The following DIS3 variants were observed in gnomAD, a reference collection of about 807,000 sequenced individuals.
DIS3 encodes DIS3 exosome endoribonuclease and 3'-5' exoribonuclease, also known as exosome complex exonuclease RRP44.
In DIS3, 103 loss-of-function variants were observed where a neutral mutation model predicts 113.0. The ratio of observed to expected loss-of-function variants is 0.91; its 90% CI spans 0.78 to 1.07. DIS3 has a LOEUF of 1.07. DIS3 is among the 50% of genes least tolerant of loss of function. DIS3 has a pLI of 0.00. For synonymous variants in DIS3, 402 were observed against 394.3 expected (o/e 1.02, Z -0.23); for missense variants, 1,121 against 1,167.1 (o/e 0.96, Z 0.58).
At chr13:72,781,093 C>G (rs2034190745) in intron 1 of DIS3, 90 bp from the exon 2 acceptor site, 3 of 1,411,986 alleles carry the variant, frequency 2.1e-6, no homozygotes, top group Non-Finnish European at 2.9e-6. Flanking sequence ...GGCATAAATA[C>G]TTTATGTTTT....
chr13:72,761,493 C>T lies in DIS3; in HGVS notation c.2540G>A (p.Ser847Asn), dbSNP rs757378040. ...TACAAATAAAATATAGGCTTCTTCACTTACTATTCCTTTGCTTTTGAAGAA... is the reference window on the plus strand; with the variant it reads ...TACAAATAAAATATAGGCTTCTTCATTTACTATTCCTTTGCTTTTGAAGAA... ...QLFFKSKGIV[S>N]EEAYILFVRK... The change falls in exon 19 of 21, where the codon AGT (serine) becomes AAT (asparagine). Residue 847 changes from serine to asparagine, a missense_variant. Ser to Asn is a conservative substitution (Grantham distance 46). Around this residue, in one of 3 missense-constraint regions of DIS3, gnomAD observed 861 missense variants for 915.5 expected, o/e 0.94. Transcript: ENST00000377767. 1.9e-5 allele frequency: 30 copies of T among 1,591,096 alleles called. 1 individual carries two copies. In the Middle Eastern group the frequency reaches 8.4e-4, roughly 44 times the overall value.
chr13:72,761,888 T>G lies in DIS3; in HGVS notation c.2342+35A>C. 3 of 1,612,310 alleles carry G rather than the reference T, an allele frequency of 1.9e-6. No homozygotes were observed. In the South Asian group the frequency reaches 3.3e-5, roughly 18 times the overall value. On this transcript the variant is annotated intron_variant, in intron 17 of 20. Transcript: ENST00000377767. Reference sequence around the variant, plus strand: ...GCTTTTAAAATTCAAAATTAACCATTTTCTATCTCCTTTAATTTCATAAGG... The same window carrying G: ...GCTTTTAAAATTCAAAATTAACCATGTTCTATCTCCTTTAATTTCATAAGG...
chr13:72,764,978 A>G (rs1018108692), intron 15 of DIS3, among the ~76,000 whole-genome samples: 2 of 152,176 alleles, frequency 1.3e-5, no homozygotes, highest in South Asian at 4.1e-4. Context: ...TTATAATAGC[A>G]CGCAAGCACA....
chr13:72,761,386 G>A lies in DIS3; in HGVS notation c.2647C>T (p.Pro883Ser). 2 of 1,605,414 alleles carry A rather than the reference G, an allele frequency of 1.2e-6. No individual in the cohort carries two copies. Among genetic ancestry groups the A allele is most frequent in the South Asian group, 1.1e-5 (1 of 88,852 alleles). The part of the protein sequence containing the change: ...VFFEEKDKPN[P>S]QLIYDDEIPS... ...ACCTCATCATCATAAATAAGCTGTG[G>A]GTTTGGTTTGTCCTTTTCTTCAAAA... Residue 883 changes from proline (P) to serine (S), a missense_variant, in exon 19 of 21, where the codon CCA (proline) becomes TCA (serine). By Grantham distance (74) the Pro-to-Ser change is moderately conservative (BLOSUM62 -1). Around this residue, in one of 3 missense-constraint regions of DIS3, gnomAD observed 861 missense variants for 915.5 expected, o/e 0.94. Coordinates refer to ENST00000377767, the MANE Select transcript of DIS3 (RefSeq NM_014953.5).
intron 15 of DIS3, among the ~76,000 whole-genome samples, chr13:72,764,532 T>C (rs1186887904): frequency 1.3e-5 from 2 of 152,160 alleles, no homozygotes; most frequent in African/African-American, 2.4e-5. Context: ...ACTAGCAGTA[T>C]GAGAATTTGA....
At chr13:72,761,565 T>C (rs1224065995) in intron 18 of DIS3, 44 bp from the exon 19 acceptor site, 1 of 1,525,904 alleles carries the variant, frequency 6.6e-7, no homozygotes, top group African/African-American at 1.4e-5. Context: ...TTAAAAATTT[T>C]TAAATAAACA....
chr13:72,776,091 T>C lies in DIS3; in HGVS notation c.656A>G (p.Asn219Ser). The C allele has an allele frequency of 6.3e-7, 1 of 1,591,518 alleles. No homozygotes were observed. The highest frequency in any genetic ancestry group is 2.2e-5 in the East Asian group (1 of 44,584). The change falls in exon 5 of 21, where the codon AAT becomes AGT. Residue 219 changes from asparagine (N) to serine (S), a missense_variant and splice_region_variant. Physicochemically the swap from Asn to Ser is conservative, Grantham distance 46. Around this residue, in one of 3 missense-constraint regions of DIS3, gnomAD observed 861 missense variants for 915.5 expected, o/e 0.94. Transcript: ENST00000377767. ...TATTATTTTTCCACTTTCTATTTCA[T>C]TCTATGAAAGAAGCAAACCAAAAGA... ...DRLACLSEEG[N>S]EIESGKIIFS...
In DIS3 at chr13:72,775,243, C is replaced by T. The variant is rs1396398006; in HGVS notation, c.955G>A (p.Asp319Asn). The change falls in exon 6 of 21, where the codon GAT becomes AAT. Residue 319 changes from aspartate (D) to asparagine (N), a missense_variant. Asp to Asn is a conservative substitution (Grantham distance 23). This residue lies in a region of DIS3 where 861 missense variants were observed against 915.5 expected (regional missense o/e 0.94). Coordinates refer to ENST00000377767, the MANE Select transcript of DIS3 (RefSeq NM_014953.5). ...VLHDEGQNEE[D>N]VEKEEETERM... is the part of the protein sequence containing the mutation. The stretch of plus-strand genomic sequence containing the variant: ...TCTGTCTCTTCTTCTTTCTCCACAT[C>T]TTCTTCATTTTGACCTTCATCATGT... The T allele has an allele frequency of 2.5e-6, 4 of 1,613,386 alleles. No homozygotes were observed. The highest frequency in any genetic ancestry group is 3.3e-5 in the Admixed American group (2 of 59,928).
chr13:72,755,413 T>TAA lies in DIS3; in HGVS notation c.*4380_*4381dup, dbSNP rs2033432362. 2 of 525,894 alleles carry TAA rather than the reference T, an allele frequency of 3.8e-6. No homozygotes were observed. Among genetic ancestry groups the TAA allele is most frequent in the Admixed American group, 6.9e-5 (2 of 28,846 alleles). The allele number at this position is 525,894 out of a possible 1,614,324, so 32.6% of individuals were successfully genotyped here. On this transcript the variant is annotated 3_prime_UTR_variant, in exon 21 of 21. Coordinates refer to ENST00000377767, the MANE Select transcript of DIS3 (RefSeq NM_014953.5). Reference sequence around the variant, plus strand: ...CCTGGAACTTCAAGTTGCTGAATTATAAGTTTATTTTTTATCAATAAATAT... The same window carrying TAA: ...CCTGGAACTTCAAGTTGCTGAATTATAAAAGTTTATTTTTTATCAATAAATAT...
chr13:72,756,180 A>ATTCATATGTACCCTT lies in DIS3; in HGVS notation c.*3614_*3615insAAGGGTACATATGAA. 5 of 366,074 alleles carry ATTCATATGTACCCTT rather than the reference A, an allele frequency of 1.4e-5. No individual in the cohort carries two copies. Among genetic ancestry groups the ATTCATATGTACCCTT allele is most frequent in the Admixed American group, 4.6e-5 (1 of 21,650 alleles). 22.7% of individuals were successfully genotyped at this position (366,074 alleles called of 1,614,324 possible). A position where few individuals can be genotyped will look rare whatever the true frequency, so the allele number is the denominator to read the frequency against. Reference sequence around the variant, plus strand: ...AAACTGTCTCATTCAAAAGGGAATAAAGACCTGTGTTATCAATGTGTCATT... The same window carrying ATTCATATGTACCCTT: ...AAACTGTCTCATTCAAAAGGGAATAATTCATATGTACCCTTAGACCTGTGTTATCAATGTGTCATT... On this transcript the variant is annotated 3_prime_UTR_variant, in exon 21 of 21. Coordinates refer to ENST00000377767, the MANE Select transcript of DIS3 (RefSeq NM_014953.5).
chr13:72,767,209 T>C (rs927408324), intron 14 of DIS3, among the ~76,000 whole-genome samples: 8 of 152,148 alleles, frequency 5.3e-5, no homozygotes, highest in Admixed American at 2.0e-4. Context: ...AATGATTCAA[T>C]GATGTTTTCC....
intron 3 of DIS3, 152 bp from the exon 4 acceptor site, chr13:72,777,645 C>G: frequency 1.4e-6 from 1 of 699,100 alleles, no homozygotes; most frequent in South Asian, 1.8e-5. Flanking sequence ...TGGAGTGCAG[C>G]GGCGCAATTA....
In DIS3 at chr13:72,762,061, T is replaced by C. The variant is rs751610495; in HGVS notation, c.2204A>G (p.Tyr735Cys). Residue 735 changes from tyrosine (Y) to cysteine (C), a missense_variant, in exon 17 of 21, where the codon TAT (tyrosine) becomes TGT (cysteine). By Grantham distance (194) the Tyr-to-Cys change is radical (BLOSUM62 -2). This residue lies in a region of DIS3 where 861 missense variants were observed against 915.5 expected (regional missense o/e 0.94). Transcript: ENST00000377767. The part of the protein sequence containing the change: ...LDQAESPTFP[Y>C]LNTLLRILAT... ...TAATATTCTCAACAGAGTGTTTAGA[T>C]ATGGAAAAGTAGGAGATTCGGCCTG... The C allele has an allele frequency of 6.2e-7, 1 of 1,614,116 alleles. No homozygotes were observed.
At chr13:72,768,271 T>C (rs1041618965) in intron 14 of DIS3, among the ~76,000 whole-genome samples, 2 of 152,144 alleles carry the variant, frequency 1.3e-5, no homozygotes, top group Non-Finnish European at 2.9e-5. Context: ...GATCTTTAAC[T>C]CAAACACAAT....
rs144599963 is a variant in DIS3 at position 72,758,167 on chromosome 13, G to C, written c.*1628C>G. 75 of 180,476 alleles carry C rather than the reference G, an allele frequency of 4.2e-4. No individual in the cohort carries two copies. The Admixed American group carries it at 4.7e-3, about 11-fold the overall frequency. 11.2% of individuals were successfully genotyped at this position (180,476 alleles called of 1,614,324 possible). A position where few individuals can be genotyped will look rare whatever the true frequency, so the allele number is the denominator to read the frequency against. ...ATATGTTTAGATACACAAATACTTA[G>C]CACTGTGTTACAACCGCCTACAGTA... On this transcript the variant is annotated 3_prime_UTR_variant, in exon 21 of 21. Coordinates refer to ENST00000377767, the MANE Select transcript of DIS3 (RefSeq NM_014953.5).
At chr13:72,777,285 C>T in intron 4 of DIS3, 135 bp downstream of exon 4, 1 of 781,456 alleles carries the variant, frequency 1.3e-6, no homozygotes, top group Middle Eastern at 3.4e-4. Context: ...ACATCCACTC[C>T]TGTTTATAAC....
Position 72,774,042 on chromosome 13 carries a change from G to A in DIS3, c.1005C>T (p.Ser335=), listed in dbSNP as rs1257386991. The A allele has an allele frequency of 1.2e-5, 20 of 1,602,956 alleles. No homozygotes were observed. The East Asian group carries it at 2.2e-4, about 18-fold the overall frequency. ...TACCTGTAGGCTTCAACATTTTCTC[G>A]CTTACAGCAGTCTTAAGCTGAGATA... ...ETERMLKTAV[S]EKMLKPTGRV... The change falls in exon 7 of 21, where the codon AGC becomes AGT. Residue 335 remains serine (S), a synonymous_variant. Coordinates refer to ENST00000377767, the MANE Select transcript of DIS3 (RefSeq NM_014953.5).
chr13:72,773,613 T>G, intron 8 of DIS3, 71 bp downstream of exon 8: 1 of 1,488,584 alleles, frequency 6.7e-7, no homozygotes, highest in Non-Finnish European at 9.0e-7. Flanking sequence ...ATTGTTTTTA[T>G]TAAAAGCAGA....
chr13:72,754,038 T>A lies in DIS3; in HGVS notation c.*5757A>T. 2.2e-6 allele frequency: 1 copy of A among 446,836 alleles called. No homozygotes were observed. The highest frequency in any genetic ancestry group is 3.9e-6 in the Non-Finnish European group (1 of 255,230). 27.7% of individuals were successfully genotyped at this position (446,836 alleles called of 1,614,324 possible). A position where few individuals can be genotyped will look rare whatever the true frequency, so the allele number is the denominator to read the frequency against. ...CAAAGTGTGCAAAGGTAGCGTGTAT[T>A]TGATGAGGGCATTTACTGAACCTTC... On this transcript the variant is annotated 3_prime_UTR_variant, in exon 21 of 21. Transcript: ENST00000377767.
Sources: allele counts gnomAD v4.1 joint callset (sites outside exome capture counted in the v4.1 genomes callset), GRCh38; gene constraint gnomAD v4.1.1; regional missense constraint gnomAD v4.1.1; transcripts MANE v1.5; gene names NCBI Gene and HGNC (gene_info 2026-07-23, HGNC 2026-07-21).